Variants in GRID1 observed in about 807,000 individuals in gnomAD.
The protein encoded by GRID1 is glutamate receptor ionotropic, delta-1.
GRID1 carries 28 observed loss-of-function variants against 98.0 expected under a neutral mutation model. The ratio of observed to expected loss-of-function variants is 0.29; its 90% CI spans 0.21 to 0.39. GRID1 has a LOEUF of 0.39. Among genes scored for constraint, GRID1 ranks in the 10% least tolerant of loss-of-function variants. The probability of loss-of-function intolerance (pLI) is 1.00; values close to 1 mark genes in which losing one functional copy is unlikely to be tolerated. For missense variants in GRID1, 1,111 were observed against 1,340.5 expected, an observed-to-expected ratio of 0.83 and a Z score of 2.67; for synonymous variants, 553 against 538.5, an observed-to-expected ratio of 1.03 and a Z score of -0.37.
intron 8 of GRID1, among the ~76,000 whole-genome samples, chr10:85,741,228 C>T (rs1189949553): frequency 2.0e-5 from 3 of 152,102 alleles, no homozygotes; most frequent in Non-Finnish European, 2.9e-5. Flanking sequence ...ATTTGAAGCT[C>T]TGCAAAAGGT....
rs552871069 is a variant in GRID1, at chr10:85,667,134, C to T, written c.1998-19737G>A. On this transcript the variant is annotated intron_variant, in intron 12 of 15. Coordinates refer to ENST00000327946, the MANE Select transcript of GRID1 (RefSeq NM_017551.3). ...AAAGTAGTGAAGACCTCGCTCTCTG[C>T]GGTTATGTGATTGACGTGACTGTCT... is the stretch of plus-strand genomic sequence containing the variant. 1.1e-4 allele frequency among the ~76,000 whole-genome samples: 17 copies of T among 152,290 alleles called. No individual in the cohort carries two copies. The East Asian group carries it at 1.5e-3, about 14-fold the overall frequency.
At position 86,185,914 on chromosome 10, in the gene GRID1, T is replaced by C. The variant is rs1285294336; in HGVS notation, c.520+20450A>G. 2.4e-4 allele frequency among the ~76,000 whole-genome samples: 37 copies of C among 152,230 alleles called. 2 individuals carry two copies. Among genetic ancestry groups the C allele is most frequent in the Admixed American group, 2.4e-3 (37 of 15,290 alleles). ...CTTGTCACGTTTTGGTCAGTTTTAG[T>C]ACCAGGATAACACTGATCTAATAGT... On this transcript the variant is annotated intron_variant, in intron 3 of 15. Coordinates refer to ENST00000327946, the MANE Select transcript of GRID1 (RefSeq NM_017551.3).
intron 12 of GRID1, among the ~76,000 whole-genome samples, chr10:85,660,583 C>T (rs1203986941): frequency 1.3e-5 from 2 of 151,586 alleles, no homozygotes; most frequent in Non-Finnish European, 2.9e-5. Context: ...AGACTCATAC[C>T]AATTTATGCA....
chr10:86,232,140 C>G (rs1846463655), intron 2 of GRID1, among the ~76,000 whole-genome samples: 1 of 152,148 alleles, frequency 6.6e-6, no homozygotes, highest in South Asian at 2.1e-4. Flanking sequence ...TCTCTCATCC[C>G]TAAGTGCAAT....
At chr10:85,804,747 G>A (rs12256239) in intron 8 of GRID1, among the ~76,000 whole-genome samples, 40,633 of 151,588 alleles carry the variant, frequency 0.27, 6,453 homozygotes, top group African/African-American at 0.43. Flanking sequence ...AACAATCACA[G>A]TAAAAATTGT....
Position 85,611,354 on chromosome 10 carries a change from T to G in GRID1, c.2601+2053A>C, listed in dbSNP as rs187190284. The stretch of plus-strand genomic sequence containing the variant: ...ATCCAAAGGACAAGCTCTCCCTGCA[T>G]GTGGCTCACAGATGATAGGCTAGAG... On this transcript the variant is annotated intron_variant, in intron 15 of 15. Coordinates refer to ENST00000327946, the MANE Select transcript of GRID1 (RefSeq NM_017551.3). Among the ~76,000 whole-genome samples, 277 of 152,296 alleles carry G rather than the reference T, an allele frequency of 1.8e-3. 2 individuals are homozygous for G. Among genetic ancestry groups the G allele is most frequent in the Middle Eastern group, 6.8e-3 (2 of 294 alleles).
In GRID1 at chr10:85,826,946, G is replaced by T. The variant is rs56788835; in HGVS notation, c.1233+27550C>A. ...TTATGCCACAATCAAACCCCCAAGGGCATCAAAGAAAATGAAAGCAAAAAA... is the reference window on the plus strand; with the variant it reads ...TTATGCCACAATCAAACCCCCAAGGTCATCAAAGAAAATGAAAGCAAAAAA... On this transcript the variant is annotated intron_variant, in intron 8 of 15. Coordinates refer to ENST00000327946, the MANE Select transcript of GRID1 (RefSeq NM_017551.3). Among the ~76,000 whole-genome samples the T allele has an allele frequency of 2.4e-3, 368 of 152,178 alleles. 1 individual carries two copies. Among genetic ancestry groups the T allele is most frequent in the African/African-American group, 8.1e-3 (335 of 41,518 alleles).
chr10:85,660,878 G>A (rs1298451020), intron 12 of GRID1, among the ~76,000 whole-genome samples: 2 of 152,020 alleles, frequency 1.3e-5, no homozygotes, highest in South Asian at 2.1e-4. Context: ...ATCACTCTAC[G>A]TCTTGCTAGC....
chr10:85,858,961 G>T (rs554139705), intron 6 of GRID1, among the ~76,000 whole-genome samples: 3 of 152,212 alleles, frequency 2.0e-5, no homozygotes, highest in African/African-American at 7.2e-5. Flanking sequence ...AGCAGGACAT[G>T]ACTCAGAAAG....
At chr10:86,071,036 G>C (rs1341437714) in intron 4 of GRID1, among the ~76,000 whole-genome samples, 3 of 152,234 alleles carry the variant, frequency 2.0e-5, no homozygotes, top group Admixed American at 2.0e-4. Flanking sequence ...TGGCCTCTGG[G>C]TGTGCAACCC....
At chr10:86,058,419 C>T (rs1843604120) in intron 4 of GRID1, among the ~76,000 whole-genome samples, 1 of 152,220 alleles carries the variant, frequency 6.6e-6, no homozygotes, top group African/African-American at 2.4e-5. Context: ...TTCTCCAGTA[C>T]AGTGATCTTT....
intron 3 of GRID1, among the ~76,000 whole-genome samples, chr10:86,199,660 A>G (rs886607825): frequency 1.3e-5 from 2 of 152,154 alleles, no homozygotes; most frequent in Non-Finnish European, 2.9e-5. Flanking sequence ...AGCATGAAGC[A>G]AGGGCTAGAG....
At chr10:86,025,323 T>C (rs1019042858) in intron 4 of GRID1, among the ~76,000 whole-genome samples, 8 of 152,336 alleles carry the variant, frequency 5.3e-5, no homozygotes, top group East Asian at 1.9e-4. Context: ...TTCTGAAGCA[T>C]TGTCCTGCTA....
chr10:85,612,357 T>A (rs1842743237), intron 15 of GRID1, among the ~76,000 whole-genome samples: 1 of 152,170 alleles, frequency 6.6e-6, no homozygotes, highest in South Asian at 2.1e-4. Context: ...TTCTTTCCTG[T>A]CCCAGTTTAT....
chr10:85,837,944 A>C (rs956798307), intron 8 of GRID1, among the ~76,000 whole-genome samples: 2 of 152,232 alleles, frequency 1.3e-5, no homozygotes, highest in Admixed American at 1.3e-4. Context: ...CTGACAGACA[A>C]AATAACCAGT....
At chr10:85,708,046 T>C (rs1841540481) in intron 12 of GRID1, among the ~76,000 whole-genome samples, 1 of 150,442 alleles carries the variant, frequency 6.6e-6, no homozygotes, top group South Asian at 2.1e-4. Flanking sequence ...CACACCAACA[T>C]GGCACATGTG....
intron 3 of GRID1, among the ~76,000 whole-genome samples, chr10:86,151,955 C>T (rs894323277): frequency 6.6e-5 from 10 of 152,252 alleles, no homozygotes; most frequent in Non-Finnish European, 1.0e-4. Flanking sequence ...CCAACCAGGC[C>T]ATGCCCTATC....
intron 13 of GRID1, among the ~76,000 whole-genome samples, chr10:85,642,185 A>G (rs1843128615): frequency 6.6e-6 from 1 of 152,224 alleles, no homozygotes; most frequent in Non-Finnish European, 1.5e-5. Context: ...ATAGCAGGAA[A>G]GCAGCCATAA....
chr10:85,988,321 G>C (rs954722870), intron 4 of GRID1, among the ~76,000 whole-genome samples: 1 of 152,204 alleles, frequency 6.6e-6, no homozygotes, highest in Non-Finnish European at 1.5e-5. Context: ...CCTTCACACA[G>C]AGTCTGGCAA....
Sources: gnomAD v4.1 joint callset for allele counts (sites outside exome capture counted in the v4.1 genomes callset) on GRCh38, gnomAD v4.1.1 for gene constraint, MANE v1.5 for transcripts, NCBI Gene and HGNC (gene_info 2026-07-23, HGNC 2026-07-21) for gene names.